NUBPL: variants seen among roughly 807,000 people sequenced by gnomAD.
The protein encoded by NUBPL is NUBP iron-sulfur cluster assembly factor, mitochondrial.
Under a neutral mutation model 45.7 loss-of-function variants are expected in NUBPL, and 31 were observed. The ratio of observed to expected loss-of-function variants is 0.68; its 90% CI spans 0.51 to 0.92. The LOEUF is 0.92. NUBPL is among the 40% of genes least tolerant of loss of function. The pLI is 0.00. For missense variants in NUBPL, 401 were observed against 398.7 expected (o/e 1.01, Z -0.05); for synonymous variants, 144 against 140.9 (o/e 1.02, Z -0.15).
At chr14:31,688,405 G>A (rs533816808) in intron 6 of NUBPL, among the ~76,000 whole-genome samples, 4 of 151,706 alleles carry the variant, frequency 2.6e-5, no homozygotes, top group East Asian at 3.9e-4. Context: ...GCAAAACCCC[G>A]TCTCTACTAA....
chr14:31,791,585 C>T (rs1380805267), intron 7 of NUBPL, among the ~76,000 whole-genome samples: 1 of 151,922 alleles, frequency 6.6e-6, no homozygotes, highest in African/African-American at 2.4e-5. Context: ...GTTAAAAGCC[C>T]CAGCTCTAAG....
chr14:31,608,092 T>A (rs928933754), intron 4 of NUBPL, among the ~76,000 whole-genome samples: 3 of 152,158 alleles, frequency 2.0e-5, no homozygotes, highest in Non-Finnish European at 4.4e-5. Context: ...GCATGACATA[T>A]TTAAAATGCT....
intron 3 of NUBPL, among the ~76,000 whole-genome samples, chr14:31,579,327 G>A (rs2033802641): frequency 1.3e-5 from 2 of 152,146 alleles, no homozygotes; most frequent in Admixed American, 6.5e-5. Flanking sequence ...ACTTAAGGAG[G>A]AAAAGGATAT....
intron 6 of NUBPL, among the ~76,000 whole-genome samples, chr14:31,742,541 A>G (rs1188437559): frequency 6.6e-6 from 1 of 152,146 alleles, no homozygotes; most frequent in Admixed American, 6.6e-5. Flanking sequence ...AATATTTACT[A>G]AGAACTTTAC....
Position 31,578,244 on chromosome 14 carries a change from C to A in NUBPL, c.291+13196C>A, listed in dbSNP as rs4981104. On this transcript the variant is annotated intron_variant, in intron 3 of 10. Coordinates refer to ENST00000281081, the MANE Select transcript of NUBPL (RefSeq NM_025152.3). ...GCAAAACCCCAAAAACTTGTTTGAA[C>A]TCTTATTCTAATATGCCAGAAAATT... 1 allele frequency among the ~76,000 whole-genome samples: 151,678 copies of A among 152,342 alleles called. 75,512 individuals carry two copies. The highest frequency in any genetic ancestry group is 1 in the Middle Eastern group (294 of 294).
intron 10 of NUBPL, among the ~76,000 whole-genome samples, chr14:31,852,496 C>A (rs1053618109): frequency 2.0e-5 from 3 of 152,092 alleles, no homozygotes; most frequent in African/African-American, 7.2e-5. Flanking sequence ...CATGGTGAAA[C>A]CCCGTCTCTA....
At chr14:31,579,836 G>A (rs1361151256) in intron 3 of NUBPL, among the ~76,000 whole-genome samples, 1 of 152,186 alleles carries the variant, frequency 6.6e-6, no homozygotes. Flanking sequence ...TTAATATCTA[G>A]GGTGTTACCT....
chr14:31,809,030 T>C (rs1444488539), intron 7 of NUBPL, among the ~76,000 whole-genome samples: 3 of 152,194 alleles, frequency 2.0e-5, no homozygotes, highest in Non-Finnish European at 4.4e-5. Context: ...AGTATTTTAT[T>C]GAGGATTTTT....
intron 4 of NUBPL, among the ~76,000 whole-genome samples, chr14:31,620,004 C>T (rs116380280): frequency 0.047 from 7,117 of 151,834 alleles, 208 homozygotes; most frequent in Admixed American, 0.066. Context: ...TTTCACTAAT[C>T]TTCTCTTCTT....
chr14:31,564,607 G>A (rs34872357), intron 2 of NUBPL, among the ~76,000 whole-genome samples: 103,222 of 151,690 alleles, frequency 0.68, 35,494 homozygotes, highest in African/African-American at 0.78. Flanking sequence ...TAAATGAAAG[G>A]CAATGAGATT....
At chr14:31,689,404 C>T (rs1162394986) in intron 6 of NUBPL, among the ~76,000 whole-genome samples, 3 of 152,108 alleles carry the variant, frequency 2.0e-5, no homozygotes, top group Admixed American at 6.5e-5. Flanking sequence ...TTTTGATTTG[C>T]ATTTCCTTAA....
chr14:31,734,406 G>A (rs1180568721), intron 6 of NUBPL, among the ~76,000 whole-genome samples: 1 of 152,098 alleles, frequency 6.6e-6, no homozygotes, highest in Non-Finnish European at 1.5e-5. Flanking sequence ...ATCTAACATA[G>A]AGAACAATCT....
intron 10 of NUBPL, among the ~76,000 whole-genome samples, chr14:31,853,865 C>A (rs1225211512): frequency 6.6e-6 from 1 of 152,146 alleles, no homozygotes; most frequent in African/African-American, 2.4e-5. Context: ...TCAATAGCAT[C>A]CCCGCATGCT....
chr14:31,834,386 A>G (rs59664106), intron 8 of NUBPL, among the ~76,000 whole-genome samples: 6,342 of 152,010 alleles, frequency 0.042, 182 homozygotes, highest in African/African-American at 0.068. Flanking sequence ...TCACCGTGTT[A>G]GCCAGGATGG....
intron 7 of NUBPL, among the ~76,000 whole-genome samples, chr14:31,801,772 G>T (rs2039594732): frequency 6.6e-6 from 1 of 152,138 alleles, no homozygotes; most frequent in Non-Finnish European, 1.5e-5. Context: ...CAACTGAGAG[G>T]GAAGCTATCA....
At chr14:31,679,743 T>C (rs1482900475) in intron 6 of NUBPL, among the ~76,000 whole-genome samples, 2 of 152,292 alleles carry the variant, frequency 1.3e-5, no homozygotes, top group Non-Finnish European at 1.5e-5. Flanking sequence ...TAGTTTCTTT[T>C]ACTTTTCTAT....
rs367861899 is a variant in NUBPL, at chr14:31,860,997, AG to A, written c.*1818del. The A allele has an allele frequency of 2.6e-5, 4 of 152,160 alleles. No homozygotes were observed. The highest frequency in any genetic ancestry group is 1.3e-4 in the Admixed American group (2 of 15,272). The allele number at this position is 152,160 out of a possible 1,614,324, so 9.4% of individuals were successfully genotyped here. ...GTTAAGGAGGGGGTGAGGATGGGAGAGAATTGGGCGTGGCTGTGAGAAACAT... is the reference window on the plus strand; with the variant it reads ...GTTAAGGAGGGGGTGAGGATGGGAGAAATTGGGCGTGGCTGTGAGAAACAT... On this transcript the variant is annotated 3_prime_UTR_variant, in exon 11 of 11. Coordinates refer to ENST00000281081, the MANE Select transcript of NUBPL (RefSeq NM_025152.3).
intron 4 of NUBPL, among the ~76,000 whole-genome samples, chr14:31,651,898 C>CAAAAAAAAAAA (rs528694961): frequency 1.1e-5 from 1 of 91,410 alleles, no homozygotes; most frequent in Admixed American, 1.3e-4. Flanking sequence ...GACTCTGTCT[C>CAAAAAAAAAAA]AAAAAAAAAA....
chr14:31,820,918 C>G (rs896696604), intron 7 of NUBPL, among the ~76,000 whole-genome samples: 6 of 150,226 alleles, frequency 4.0e-5, no homozygotes, highest in Non-Finnish European at 8.9e-5. Context: ...GTCAGGGGTT[C>G]GAGACCAGCC....
Sources: allele counts gnomAD v4.1 joint callset (sites outside exome capture counted in the v4.1 genomes callset), GRCh38; gene constraint gnomAD v4.1.1; transcripts MANE v1.5; gene names NCBI Gene and HGNC (gene_info 2026-07-23, HGNC 2026-07-21).